The following RNF175 variants were observed in gnomAD, a reference collection of about 807,000 sequenced individuals.
RNF175 encodes ring finger protein 175.
RNF175 carries 38 observed loss-of-function variants against 50.0 expected under a neutral mutation model. The observed-to-expected ratio is 0.76, with a 90% CI of 0.59 to 1.00. RNF175 has a LOEUF of 1.00. Among genes scored for constraint, RNF175 ranks in the 50% least tolerant of loss-of-function variants. RNF175 has a pLI of 0.00. For missense variants in RNF175, 388 were observed against 409.6 expected (o/e 0.95, Z 0.46); for synonymous variants, 155 against 146.1 (o/e 1.06, Z -0.44).
At chr4:153,733,813 CA>C (rs138303048) in intron 3 of RNF175, among the ~76,000 whole-genome samples, 26,883 of 152,166 alleles carry the variant, frequency 0.18, 3,092 homozygotes, top group Non-Finnish European at 0.25. Context: ...ATTGTACCCA[CA>C]AATACAATAT....
rs187286165 is a variant in RNF175, at chr4:153,759,696, C to T, written c.66+101G>A. On this transcript the variant is annotated intron_variant, in intron 1 of 8. Transcript: ENST00000347063. The stretch of plus-strand genomic sequence containing the variant: ...CCAGGGCCGGTTCTCCCCGGTGGGG[C>T]CCGGGGTCTTGGAGACCAGTCTGTG... 15 of 742,232 alleles carry T rather than the reference C, an allele frequency of 2.0e-5. No individual in the cohort carries two copies. The African/African-American group carries it at 2.8e-4, about 14-fold the overall frequency. 46.0% of individuals were successfully genotyped at this position (742,232 alleles called of 1,614,324 possible). A position where few individuals can be genotyped will look rare whatever the true frequency, so the allele number is the denominator to read the frequency against.
chr4:153,751,448 C>G lies in RNF175; in HGVS notation c.94G>C (p.Asp32His). The G allele has an allele frequency of 1.9e-6, 3 of 1,555,610 alleles. No homozygotes were observed. In the East Asian group the frequency reaches 7.0e-5, roughly 37 times the overall value. Residue 32 changes from aspartate to histidine, a missense_variant, in exon 2 of 9, where the codon GAC becomes CAC. Coordinates refer to ENST00000347063, the MANE Select transcript of RNF175 (RefSeq NM_173662.4). ...QLSHTKLSAE[D>H]TWNLQQERMY... Reference sequence around the variant, plus strand: ...ATACTAATTACTTACTTCCATGTGTCTTCTGCAGAAAGCTTTGTATGAGAG... The same window carrying G: ...ATACTAATTACTTACTTCCATGTGTGTTCTGCAGAAAGCTTTGTATGAGAG...
At chr4:153,758,281 A>G (rs1304334367) in intron 1 of RNF175, among the ~76,000 whole-genome samples, 2 of 152,212 alleles carry the variant, frequency 1.3e-5, no homozygotes, top group Admixed American at 1.3e-4. Flanking sequence ...GATCTGGTTA[A>G]AATGCGGATT....
intron 3 of RNF175, among the ~76,000 whole-genome samples, chr4:153,746,775 C>T (rs1328496779): frequency 2.6e-5 from 4 of 152,262 alleles, no homozygotes; most frequent in African/African-American, 7.2e-5. Flanking sequence ...TAGGCACTCT[C>T]TGTGGCAGCT....
intron 3 of RNF175, among the ~76,000 whole-genome samples, chr4:153,729,248 G>A (rs1322383918): frequency 1.3e-5 from 2 of 152,178 alleles, no homozygotes; most frequent in African/African-American, 2.4e-5. Context: ...TAAGGGGAAC[G>A]GCAAAGAGGG....
At chr4:153,749,864 C>T (rs1740194411) in intron 2 of RNF175, among the ~76,000 whole-genome samples, 1 of 152,214 alleles carries the variant, frequency 6.6e-6, no homozygotes, top group Admixed American at 6.5e-5. Context: ...CTGCCAGCAC[C>T]TTAATCTTGG....
chr4:153,722,683 C>T (rs1020222807), intron 5 of RNF175, among the ~76,000 whole-genome samples: 1 of 151,946 alleles, frequency 6.6e-6, no homozygotes, highest in African/African-American at 2.4e-5. Context: ...CTATCAGAAA[C>T]CAAATTCAAG....
In RNF175 at chr4:153,744,076, G is replaced by C. The variant is rs554147511; in HGVS notation, c.246+4569C>G. Among the ~76,000 whole-genome samples, 104 of 152,270 alleles carry C rather than the reference G, an allele frequency of 6.8e-4. No homozygotes were observed. In the South Asian group the frequency reaches 0.02, roughly 30 times the overall value. ...CCCTCCAAGACCTGACACAAGAGCA[G>C]CTGCTTCAAATATAGGACAAGGATG... On this transcript the variant is annotated intron_variant, in intron 3 of 8. Transcript: ENST00000347063.
chr4:153,723,379 TA>T lies in RNF175; in HGVS notation c.480del (p.Phe160LeufsTer33). 1.3e-6 allele frequency: 2 copies of T among 1,596,632 alleles called. No homozygotes were observed. The highest frequency in any genetic ancestry group is 1.7e-6 in the Non-Finnish European group (2 of 1,164,488). Reference sequence around the variant, plus strand: ...AAAAACAGATTGAATCCACACATTGTAAACATGATCGCCAAGTAACCCACAA... The same window carrying T: ...AAAAACAGATTGAATCCACACATTGTAACATGATCGCCAAGTAACCCACAA... Reference protein sequence around the residue: ...FGVVGYLAIMFTMCGFNLFFK... With the variant: ...FGVVGYLAIMXTMCGFNLFFK... On this transcript the variant is annotated frameshift_variant, in exon 5 of 9. Coordinates refer to ENST00000347063, the MANE Select transcript of RNF175 (RefSeq NM_173662.4). LOFTEE classifies it high-confidence loss of function.
chr4:153,743,120 T>C (rs938287122), intron 3 of RNF175, among the ~76,000 whole-genome samples: 3 of 152,198 alleles, frequency 2.0e-5, no homozygotes, highest in Admixed American at 2.0e-4. Flanking sequence ...AGGCCGTAGT[T>C]TTTTTTGATA....
At chr4:153,734,496 A>T (rs1739228248) in intron 3 of RNF175, among the ~76,000 whole-genome samples, 1 of 103,612 alleles carries the variant, frequency 9.7e-6, no homozygotes, top group Non-Finnish European at 2.6e-5. Context: ...CCTTAGTAGG[A>T]ATTAATTAAT....
At chr4:153,737,195 CTTTT>C (rs940814427) in intron 3 of RNF175, among the ~76,000 whole-genome samples, 1 of 149,610 alleles carries the variant, frequency 6.7e-6, no homozygotes, top group Non-Finnish European at 1.5e-5. Flanking sequence ...TGTGTTTTCT[CTTTT>C]TTTTTTCTTG....
chr4:153,743,664 G>T (rs1210376552), intron 3 of RNF175, among the ~76,000 whole-genome samples: 1 of 152,098 alleles, frequency 6.6e-6, no homozygotes, highest in Admixed American at 6.5e-5. Flanking sequence ...TGATCCTTAG[G>T]ACTACAGAGC....
intron 7 of RNF175, chr4:153,713,808 C>G (rs899783459): frequency 6.6e-6 from 1 of 152,158 alleles, no homozygotes; most frequent in Non-Finnish European, 1.5e-5. Flanking sequence ...ACTCAAACAG[C>G]CTTTCATTCA....
chr4:153,721,280 G>C (rs1262174885), intron 5 of RNF175: 1 of 152,094 alleles, frequency 6.6e-6, no homozygotes, highest in Non-Finnish European at 1.5e-5. Context: ...TCAAATATCA[G>C]TGGTGACCCT....
At chr4:153,751,069 T>C (rs1043190365) in intron 2 of RNF175, among the ~76,000 whole-genome samples, 2 of 152,262 alleles carry the variant, frequency 1.3e-5, no homozygotes, top group African/African-American at 4.8e-5. Context: ...AGCTTTTCAT[T>C]CTTATTTCAC....
At chr4:153,723,737 A>G (rs1012591236) in intron 4 of RNF175, among the ~76,000 whole-genome samples, 1 of 152,154 alleles carries the variant, frequency 6.6e-6, no homozygotes, top group Non-Finnish European at 1.5e-5. Context: ...AATAGCCTTC[A>G]GGAATGGTTA....
Position 153,759,840 on chromosome 4 carries a change from C to G in RNF175, c.23G>C (p.Arg8Pro), listed in dbSNP as rs1174214998. ...GGCCTCCAGCACCGGCGCTGCCTTC[C>G]GCGCCGCCGTCCCCGCGGCCATGCC... MAAGTAARKAAPVLEAPP... is the reference protein window; with the variant it reads MAAGTAAPKAAPVLEAPP... Residue 8 changes from arginine to proline, a missense_variant, in exon 1 of 9, where the codon CGG becomes CCG. Physicochemically the swap from Arg to Pro is moderately radical, Grantham distance 103 (BLOSUM62 -2). Coordinates refer to ENST00000347063, the MANE Select transcript of RNF175 (RefSeq NM_173662.4). 1 of 1,462,504 alleles carries G rather than the reference C, an allele frequency of 6.8e-7. No homozygotes were observed. The highest frequency in any genetic ancestry group is 9.0e-7 in the Non-Finnish European group (1 of 1,114,906). The allele number at this position is 1,462,504 out of a possible 1,614,324, so 90.6% of individuals were successfully genotyped here.
At chr4:153,717,508 AACACACACACACAGATACACACACAAAC>A (rs1738006932) in intron 6 of RNF175, among the ~76,000 whole-genome samples, 1 of 138,324 alleles carries the variant, frequency 7.2e-6, no homozygotes, top group African/African-American at 2.7e-5. Context: ...TGTATATACT[AACACACACACACAGATACACACACAAAC>A]ACACACACAC....
Sources: gnomAD v4.1 joint callset for allele counts (sites outside exome capture counted in the v4.1 genomes callset) on GRCh38, gnomAD v4.1.1 for gene constraint, MANE v1.5 for transcripts, NCBI Gene and HGNC (gene_info 2026-07-23, HGNC 2026-07-21) for gene names.